Variants in OAS1 observed in about 807,000 individuals in gnomAD.
The protein encoded by OAS1 is 2'-5'-oligoadenylate synthase 1.
A neutral mutation model predicts 38.5 loss-of-function variants in OAS1; 24 were observed. The observed-to-expected ratio is 0.62, with a 90% CI of 0.45 to 0.88. The LOEUF (loss-of-function observed/expected upper bound fraction) is 0.88. Among genes scored for constraint, OAS1 ranks in the 40% least tolerant of loss-of-function variants. The probability of loss-of-function intolerance (pLI) is 0.00; values close to 1 mark genes in which losing one functional copy is unlikely to be tolerated. For synonymous variants in OAS1, 169 were observed against 193.9 expected (o/e 0.87, Z 1.07); for missense variants, 482 against 493.9 (o/e 0.98, Z 0.23).
Position 112,916,534 on chromosome 12 carries a change from C to T in OAS1, c.680C>T (p.Pro227Leu), listed in dbSNP as rs2136317538. 6.8e-6 allele frequency: 11 copies of T among 1,614,096 alleles called. No homozygotes were observed. The highest frequency in any genetic ancestry group is 9.3e-6 in the Non-Finnish European group (11 of 1,179,992). Residue 227 changes from proline (P) to leucine (L), a missense_variant, in exon 4 of 6, where the codon CCA (proline) becomes CTA (leucine). Coordinates refer to ENST00000202917, the MANE Select transcript of OAS1 (RefSeq NM_016816.4). ...TGTAAGAAGAAGCTTGGGAAGCTGC[C>T]ACCTCAGTATGCCCTGGAGCTCCTG... is the stretch of plus-strand genomic sequence containing the variant. ...QNCKKKLGKL[P>L]PQYALELLTV...
intron 6 of OAS1, among the ~76,000 whole-genome samples, chr12:112,925,750 C>T (rs1011646762): frequency 6.6e-6 from 1 of 152,138 alleles, no homozygotes; most frequent in Admixed American, 6.5e-5. Context: ...CAAGCCGCTG[C>T]ACTCCAGCCT....
intron 5 of OAS1, 31 bp downstream of exon 5, chr12:112,917,731 A>T: frequency 6.2e-7 from 1 of 1,614,118 alleles, no homozygotes; most frequent in Non-Finnish European, 8.5e-7. Flanking sequence ...CCTGCCATTC[A>T]TCCCTGCCCC....
intron 6 of OAS1, among the ~76,000 whole-genome samples, chr12:112,930,009 A>C (rs973387434): frequency 1.1e-4 from 16 of 152,084 alleles, no homozygotes; most frequent in African/African-American, 3.9e-4. Context: ...GCCTGTTGGG[A>C]GGTGATTGGA....
At chr12:112,929,284 G>T (rs2043582340) in intron 6 of OAS1, among the ~76,000 whole-genome samples, 1 of 152,146 alleles carries the variant, frequency 6.6e-6, no homozygotes, top group Non-Finnish European at 1.5e-5. Context: ...TTTCCAAGGG[G>T]TCCTTGGGAA....
In OAS1 at chr12:112,919,512, A is replaced by G; in HGVS notation, c.1162A>G (p.Thr388Ala). 2 of 1,614,082 alleles carry G rather than the reference A, an allele frequency of 1.2e-6. No homozygotes were observed. Among genetic ancestry groups the G allele is most frequent in the East Asian group, 2.2e-5 (1 of 44,882 alleles). ...HRPSTLQAAS[T>A]PQAEEDWTCT... The stretch of plus-strand genomic sequence containing the variant: ...ACCCAGCACACTCCAGGCAGCATCC[A>G]CCCCACAGGCAGAAGAGGACTGGAC... Residue 388 changes from threonine (T) to alanine (A), a missense_variant, in exon 6 of 6, where the codon ACC (threonine) becomes GCC (alanine). Transcript: ENST00000202917.
intron 6 of OAS1, among the ~76,000 whole-genome samples, chr12:112,928,937 T>C (rs1365848114): frequency 6.6e-6 from 1 of 152,232 alleles, no homozygotes; most frequent in Non-Finnish European, 1.5e-5. Flanking sequence ...TTATGGATTC[T>C]ACAGCAATCC....
chr12:112,931,538 A>G (rs1205931067), intron 6 of OAS1, among the ~76,000 whole-genome samples: 3 of 152,246 alleles, frequency 2.0e-5, no homozygotes, highest in Non-Finnish European at 4.4e-5. Flanking sequence ...TAATGGTTTG[A>G]TAAATAAAAT....
downstream of OAS1, among the ~76,000 whole-genome samples, chr12:112,922,532 T>G (rs1440614365): frequency 6.6e-6 from 1 of 152,178 alleles, no homozygotes; most frequent in Non-Finnish European, 1.5e-5. Flanking sequence ...TGGCTTCTAT[T>G]GCTCTGGGAG....
At position 112,919,792 on chromosome 12, in the gene OAS1, A is replaced by G. The variant is rs899807602; in HGVS notation, c.*239A>G. On this transcript the variant is annotated 3_prime_UTR_variant, in exon 6 of 6. Transcript: ENST00000202917. ...CTGAAAATATTCCCTGAGAGAGAAC[A>G]GAGAGATTTAGATAAGAGAATGAAA... 1.4e-6 allele frequency: 2 copies of G among 1,405,470 alleles called. No homozygotes were observed. Among genetic ancestry groups the G allele is most frequent in the African/African-American group, 1.4e-5 (1 of 68,994 alleles). The allele number at this position is 1,405,470 out of a possible 1,614,324, so 87.1% of individuals were successfully genotyped here.
rs758624798 is a variant in OAS1 at position 112,917,687 on chromosome 12, C to T, written c.1025C>T (p.Ser342Phe). The T allele has an allele frequency of 6.2e-7, 1 of 1,614,174 alleles. No individual in the cohort carries two copies. Among genetic ancestry groups the T allele is most frequent in the East Asian group, 2.2e-5 (1 of 44,878 alleles). Residue 342 changes from serine (S) to phenylalanine (F), a missense_variant, in exon 5 of 6, where the codon TCC becomes TTC. By Grantham distance (155) the Ser-to-Phe change is radical. Transcript: ENST00000202917. ...FKNWDGSPVS[S>F]WILLAESNSA... ...AATTGGGATGGGTCCCCAGTGAGCT[C>T]CTGGATTCTGCTGGTGAGACCTCCT...
At chr12:112,909,280 A>G (rs963268144) in intron 2 of OAS1, among the ~76,000 whole-genome samples, 1 of 152,186 alleles carries the variant, frequency 6.6e-6, no homozygotes, top group African/African-American at 2.4e-5. Context: ...AGAATTGGTA[A>G]AACCACACTA....
chr12:112,910,238 T>A (rs960897618), intron 2 of OAS1, among the ~76,000 whole-genome samples: 1 of 151,858 alleles, frequency 6.6e-6, no homozygotes, highest in African/African-American at 2.4e-5. Flanking sequence ...CGTGGTGGTG[T>A]GTGCCTGTAA....
At chr12:112,923,578 T>G (rs1302256294), downstream of OAS1, among the ~76,000 whole-genome samples, 1 of 152,232 alleles carries the variant, frequency 6.6e-6, no homozygotes, top group Non-Finnish European at 1.5e-5. Flanking sequence ...TTTTTGCTAG[T>G]GAGTGGTAGG....
intron 2 of OAS1, 84 bp downstream of exon 2, chr12:112,908,908 G>A: frequency 6.9e-7 from 1 of 1,443,658 alleles, no homozygotes. Context: ...TGCCCCAACA[G>A]GGCATCTCTC....
At chr12:112,916,360 C>A in intron 3 of OAS1, 149 bp from the exon 4 acceptor site, 1 of 636,812 alleles carries the variant, frequency 1.6e-6, no homozygotes. Flanking sequence ...TGAATGCAGT[C>A]ATAAACTATA....
At chr12:112,923,853 T>C (rs771201737), downstream of OAS1, among the ~76,000 whole-genome samples, 12 of 152,216 alleles carry the variant, frequency 7.9e-5, no homozygotes, top group Non-Finnish European at 1.6e-4. Flanking sequence ...GAAAGCTGAA[T>C]GTCCACATGC....
chr12:112,931,425 A>G (rs1050013844), intron 6 of OAS1, among the ~76,000 whole-genome samples: 27 of 152,196 alleles, frequency 1.8e-4, no homozygotes, highest in African/African-American at 6.5e-4. Flanking sequence ...CCATTTCCCT[A>G]TCTCTAAAAG....
chr12:112,917,915 C>G (rs1281663497), intron 5 of OAS1: 3 of 1,445,160 alleles, frequency 2.1e-6, no homozygotes, highest in Non-Finnish European at 2.7e-6. Flanking sequence ...AATTCATTCC[C>G]CTAAGAGTAA....
Position 112,916,746 on chromosome 12 carries a change from A to G in OAS1, c.884+8A>G, listed in dbSNP as rs1190432054. The G allele has an allele frequency of 1.3e-6, 2 of 1,598,770 alleles. No homozygotes were observed. The highest frequency in any genetic ancestry group is 2.2e-5 in the East Asian group (1 of 44,830). ...GCAGCTCACGAAACCCAGGTATGCTATCCCCACATGGCTTAGCTCCCCTAT... is the reference window on the plus strand; with the variant it reads ...GCAGCTCACGAAACCCAGGTATGCTGTCCCCACATGGCTTAGCTCCCCTAT... On this transcript the variant is annotated splice_region_variant and intron_variant, in intron 4 of 5. Coordinates refer to ENST00000202917, the MANE Select transcript of OAS1 (RefSeq NM_016816.4).
Sources: allele counts gnomAD v4.1 joint callset (sites outside exome capture counted in the v4.1 genomes callset), GRCh38; gene constraint gnomAD v4.1.1; transcripts MANE v1.5; gene names NCBI Gene and HGNC (gene_info 2026-07-23, HGNC 2026-07-21).